Variants in GAB2 observed in about 807,000 individuals in gnomAD.
GAB2 encodes GRB2-associated-binding protein 2.
Under a neutral mutation model 65.5 loss-of-function variants are expected in GAB2, and 26 were observed. That is an observed-to-expected ratio of 0.40 (90% confidence interval 0.29 to 0.55). The LOEUF is 0.55. GAB2 is among the 20% of genes least tolerant of loss of function. GAB2 has a pLI of 0.53. For synonymous variants in GAB2, 321 were observed against 329.6 expected, an observed-to-expected ratio of 0.97 and a Z score of 0.28; for missense variants, 884 against 875.8, an observed-to-expected ratio of 1.01 and a Z score of -0.12.
chr11:78,405,570 T>C (rs1168836524), intron 1 of GAB2, among the ~76,000 whole-genome samples: 1 of 152,190 alleles, frequency 6.6e-6, no homozygotes, highest in Non-Finnish European at 1.5e-5. Context: ...TGCTTTTGTA[T>C]AAGCAACATT....
chr11:78,322,724 C>A (rs1352192575), intron 1 of GAB2, among the ~76,000 whole-genome samples: 1 of 151,250 alleles, frequency 6.6e-6, no homozygotes, highest in East Asian at 1.9e-4. Flanking sequence ...CATCACTAAT[C>A]ATCAGAGAAA....
chr11:78,394,578 A>G (rs1007778857), intron 1 of GAB2, among the ~76,000 whole-genome samples: 1 of 152,234 alleles, frequency 6.6e-6, no homozygotes, highest in Admixed American at 6.5e-5. Context: ...TGTCTTGTGA[A>G]TATCTGATCA....
intron 1 of GAB2, among the ~76,000 whole-genome samples, chr11:78,365,649 A>T (rs1402590593): frequency 1.3e-5 from 2 of 152,178 alleles, no homozygotes; most frequent in Non-Finnish European, 2.9e-5. Context: ...GACCAGGGAA[A>T]ATTCTGGGAG....
intron 1 of GAB2, among the ~76,000 whole-genome samples, chr11:78,374,448 C>CCG (rs1554996021): frequency 3.9e-5 from 6 of 152,012 alleles, no homozygotes; most frequent in African/African-American, 1.5e-4. Flanking sequence ...GGGGGTTACC[C>CCG]GGGGGGGAAC....
intron 2 of GAB2, among the ~76,000 whole-genome samples, chr11:78,276,929 T>A (rs1050522115): frequency 6.6e-6 from 1 of 152,324 alleles, no homozygotes; most frequent in Non-Finnish European, 1.5e-5. Context: ...GCCATTCTCC[T>A]GCCTCAGCCT....
rs752770407 is a variant in GAB2 at position 78,225,119 on chromosome 11, C to T, written c.1291G>A (p.Gly431Ser). The change falls in exon 5 of 10, where the codon GGC becomes AGC. Residue 431 changes from glycine (G) to serine (S), a missense_variant. Gly to Ser is a moderately conservative substitution (Grantham distance 56). Transcript: ENST00000361507. ...RSAESMSDGV[G>S]SFLPGKMIVG... The stretch of plus-strand genomic sequence containing the variant: ...TAACCCACACTCACCAGGAAAGAGC[C>T]AACTCCATCACTCATGGATTCAGCA... The T allele has an allele frequency of 3.7e-6, 6 of 1,610,518 alleles. No individual in the cohort carries two copies. Among genetic ancestry groups the T allele is most frequent in the South Asian group, 3.3e-5 (3 of 91,012 alleles).
chr11:78,348,811 G>GA (rs1292062731), intron 1 of GAB2, among the ~76,000 whole-genome samples: 1 of 152,166 alleles, frequency 6.6e-6, no homozygotes, highest in Admixed American at 6.5e-5. Flanking sequence ...CCAGAAACAA[G>GA]AAAGAACCCA....
At chr11:78,320,382 G>A (rs1318229388) in intron 1 of GAB2, among the ~76,000 whole-genome samples, 2 of 152,044 alleles carry the variant, frequency 1.3e-5, no homozygotes, top group African/African-American at 2.4e-5. Context: ...TATGATCAAG[G>A]AAAATATGGT....
At chr11:78,222,594 A>AT (rs1223248168) in intron 6 of GAB2, among the ~76,000 whole-genome samples, 1 of 150,754 alleles carries the variant, frequency 6.6e-6, no homozygotes, top group Non-Finnish European at 1.5e-5. Flanking sequence ...ACATATATGT[A>AT]TTTTTTAAGA....
At chr11:78,288,773 C>T (rs919149719) in intron 1 of GAB2, among the ~76,000 whole-genome samples, 35 of 152,194 alleles carry the variant, frequency 2.3e-4, no homozygotes, top group African/African-American at 8.4e-4. Flanking sequence ...AGATTTAACA[C>T]AATTCCCATC....
intron 1 of GAB2, among the ~76,000 whole-genome samples, chr11:78,373,635 C>T (rs528586579): frequency 7.9e-5 from 12 of 152,178 alleles, no homozygotes; most frequent in African/African-American, 2.6e-4. Flanking sequence ...TGAATGGGCC[C>T]GGGACAAGGA....
chr11:78,296,244 G>C (rs1866821828), intron 1 of GAB2, among the ~76,000 whole-genome samples: 1 of 152,230 alleles, frequency 6.6e-6, no homozygotes, highest in Admixed American at 6.5e-5. Context: ...CCTCGGCCCA[G>C]GGGGCTGGGG....
chr11:78,357,588 T>C (rs1856376225), intron 1 of GAB2, among the ~76,000 whole-genome samples: 2 of 151,882 alleles, frequency 1.3e-5, no homozygotes, highest in African/African-American at 4.8e-5. Context: ...AACAACCCCA[T>C]CAAAAACTGG....
intron 1 of GAB2, among the ~76,000 whole-genome samples, chr11:78,364,952 G>A (rs1158180913): frequency 1.3e-5 from 2 of 152,078 alleles, no homozygotes; most frequent in African/African-American, 2.4e-5. Context: ...GCAATGCTAT[G>A]CTTGAAATAC....
chr11:78,224,982 G>A, intron 5 of GAB2, 126 bp downstream of exon 5: 2 of 651,742 alleles, frequency 3.1e-6, no homozygotes, highest in Admixed American at 2.7e-5. Context: ...ACTGAGACAA[G>A]AACTTGGGCA....
chr11:78,362,342 ATTAAAT>A (rs1287306755), intron 1 of GAB2, among the ~76,000 whole-genome samples: 1 of 152,178 alleles, frequency 6.6e-6, no homozygotes, highest in Non-Finnish European at 1.5e-5. Context: ...TGTATTATCT[ATTAAAT>A]TTAAACATTT....
intron 1 of GAB2, among the ~76,000 whole-genome samples, chr11:78,302,318 T>C (rs184923896): frequency 2.0e-4 from 30 of 151,936 alleles, no homozygotes; most frequent in African/African-American, 7.2e-4. Flanking sequence ...CAATCTACAA[T>C]GAACTCAAGC....
At chr11:78,407,679 A>AAGAAAGAAAGAGATGGC (rs1565188269) in intron 1 of GAB2, among the ~76,000 whole-genome samples, 2 of 150,736 alleles carry the variant, frequency 1.3e-5, no homozygotes, top group African/African-American at 4.9e-5. Flanking sequence ...GAAAGAAAGA[A>AAGAAAGAAAGAGATGGC]AGAAAGAAAG....
intron 1 of GAB2, among the ~76,000 whole-genome samples, chr11:78,390,688 T>C (rs906509774): frequency 6.6e-6 from 1 of 152,174 alleles, no homozygotes; most frequent in East Asian, 1.9e-4. Context: ...TCTCCTCCAA[T>C]AATGGGTTCA....
Sources: gnomAD v4.1 joint callset for allele counts (sites outside exome capture counted in the v4.1 genomes callset) on GRCh38, gnomAD v4.1.1 for gene constraint, MANE v1.5 for transcripts, NCBI Gene and HGNC (gene_info 2026-07-23, HGNC 2026-07-21) for gene names.